NFXL1: variants seen among roughly 807,000 people sequenced by gnomAD.
NFXL1 encodes nuclear transcription factor, X-box binding like 1.
NFXL1 carries 66 observed loss-of-function variants against 123.3 expected under a neutral mutation model. The observed-to-expected ratio is 0.54, with a 90% CI of 0.44 to 0.66. The LOEUF is 0.66. NFXL1 is among the 30% of genes least tolerant of loss of function. NFXL1 has a pLI of 0.00. For synonymous variants in NFXL1, 346 were observed against 360.8 expected, an observed-to-expected ratio of 0.96 and a Z score of 0.46; for missense variants, 944 against 1,125.6, an observed-to-expected ratio of 0.84 and a Z score of 2.31.
In NFXL1 at chr4:47,862,852, AG is replaced by A; in HGVS notation, c.2309del (p.Pro770LeufsTer27). The A allele has an allele frequency of 6.5e-7, 1 of 1,548,140 alleles. No individual in the cohort carries two copies. Among genetic ancestry groups the A allele is most frequent in the Non-Finnish European group, 8.8e-7 (1 of 1,135,988 alleles). On this transcript the variant is annotated frameshift_variant, in exon 19 of 23. Transcript: ENST00000507489. LOFTEE classifies it high-confidence loss of function. The stretch of plus-strand genomic sequence containing the variant: ...AGGTTCTACTAAAGCTTACCTCTTT[AG>A]GGCACTGATTTTTGCAACAACTGAG... ...NLLSCCKNQC[P>X]KELPCGHRCK...
intron 18 of NFXL1, among the ~76,000 whole-genome samples, chr4:47,869,559 TACAA>T (rs1735304585): frequency 6.6e-6 from 1 of 151,988 alleles, no homozygotes; most frequent in Non-Finnish European, 1.5e-5. Flanking sequence ...AACTCTCAAA[TACAA>T]AGAAAGTAGT....
In NFXL1 at chr4:47,848,065, A is replaced by C; in HGVS notation, c.*98T>G. 1.4e-6 allele frequency: 1 copy of C among 723,858 alleles called. No individual in the cohort carries two copies. The highest frequency in any genetic ancestry group is 2.3e-5 in the South Asian group (1 of 44,382). The allele number at this position is 723,858 out of a possible 1,614,324, so 44.8% of individuals were successfully genotyped here. A position where few individuals can be genotyped will look rare whatever the true frequency, so the allele number is the denominator to read the frequency against. ...CTGAGAGAATACAGAGATGAATGTA[A>C]ATATATATCATGTTCTATAATATAC... is the stretch of plus-strand genomic sequence containing the variant. On this transcript the variant is annotated 3_prime_UTR_variant, in exon 23 of 23. Transcript: ENST00000507489.
At position 47,899,498 on chromosome 4, in the gene NFXL1, T is replaced by C. The variant is rs1287433199; in HGVS notation, c.698A>G (p.Tyr233Cys). The C allele has an allele frequency of 1.7e-5, 28 of 1,612,542 alleles. No individual in the cohort carries two copies. The highest frequency in any genetic ancestry group is 2.2e-5 in the East Asian group (1 of 44,878). ...ATCTTCTACTTTTCCACAATAGCAA[T>C]AGTACCTACTAGGTGTTTCAGATCG... Reference protein sequence around the residue: ...YKRSETPSRYYCYCGKVEDPP... With the variant: ...YKRSETPSRYCCYCGKVEDPP... Residue 233 changes from tyrosine (Y) to cysteine (C), a missense_variant, in exon 6 of 23, where the codon TAT becomes TGT. Transcript: ENST00000507489.
chr4:47,884,376 G>A lies in NFXL1; in HGVS notation c.1886C>T (p.Pro629Leu), dbSNP rs1359648096. 18 of 1,607,832 alleles carry A rather than the reference G, an allele frequency of 1.1e-5. No homozygotes were observed. The highest frequency in any genetic ancestry group is 1.5e-5 in the Non-Finnish European group (18 of 1,175,104). Residue 629 changes from proline to leucine, a missense_variant, in exon 15 of 23, where the codon CCG becomes CTG. Physicochemically the swap from Pro to Leu is moderately conservative, Grantham distance 98. Around this residue, in one of 4 missense-constraint regions of NFXL1, gnomAD observed 301 missense variants for 348.0 expected, o/e 0.86. Coordinates refer to ENST00000507489, the MANE Select transcript of NFXL1 (RefSeq NM_001278624.2). Reference sequence around the variant, plus strand: ...AATAGGAACTTGACATGGAGGACACGGTAATGCAGTCTGAATAAATGCTGG... The same window carrying A: ...AATAGGAACTTGACATGGAGGACACAGTAATGCAGTCTGAATAAATGCTGG... ...SEPAFIQTALPCPPCQVPIPM... is the reference protein window; with the variant it reads ...SEPAFIQTALLCPPCQVPIPM...
intron 3 of NFXL1, among the ~76,000 whole-genome samples, chr4:47,909,476 T>G (rs765452262): frequency 1.3e-5 from 2 of 152,180 alleles, no homozygotes; most frequent in Non-Finnish European, 2.9e-5. Context: ...ACCTCTCCTC[T>G]GTAGAATTGT....
chr4:47,878,215 ACTAT>A (rs1267278910), intron 17 of NFXL1, among the ~76,000 whole-genome samples: 6 of 152,208 alleles, frequency 3.9e-5, no homozygotes, highest in African/African-American at 9.6e-5. Context: ...ACTCTTACTT[ACTAT>A]CTAAGAAGAT....
chr4:47,913,047 T>C lies in NFXL1; in HGVS notation c.235+922A>G, dbSNP rs115326847. Among the ~76,000 whole-genome samples the C allele has an allele frequency of 5.4e-3, 805 of 147,940 alleles. 5 individuals carry two copies. Among genetic ancestry groups the C allele is most frequent in the African/African-American group, 0.019 (753 of 39,996 alleles). On this transcript the variant is annotated intron_variant, in intron 2 of 22. Transcript: ENST00000507489. ...AAAAAAAAAAAAAGTTTACCAAACC[T>C]GTTCACACGTCTCCATATTGTATAC...
chr4:47,896,058 C>T (rs529950642), intron 10 of NFXL1, among the ~76,000 whole-genome samples: 1 of 152,222 alleles, frequency 6.6e-6, no homozygotes, highest in Admixed American at 6.5e-5. Flanking sequence ...TCAGAACACA[C>T]GCACAACATT....
At chr4:47,861,909 A>T (rs1008628310) in intron 19 of NFXL1, among the ~76,000 whole-genome samples, 4 of 152,244 alleles carry the variant, frequency 2.6e-5, no homozygotes, top group African/African-American at 9.6e-5. Context: ...TGATTATGAT[A>T]TTTAACACTT....
At position 47,898,020 on chromosome 4, in the gene NFXL1, G is replaced by A. The variant is rs1737188305; in HGVS notation, c.1151C>T (p.Ala384Val). The A allele has an allele frequency of 1.2e-6, 2 of 1,612,424 alleles. No individual in the cohort carries two copies. The highest frequency in any genetic ancestry group is 1.7e-6 in the Non-Finnish European group (2 of 1,179,408). Residue 384 changes from alanine to valine, a missense_variant, in exon 9 of 23, where the codon GCT (alanine) becomes GTT (valine). Transcript: ENST00000507489. ...HTCEQVCHVG[A>V]CGECPRSGKR... ...CCCAGATCGAGGACATTCTCCACAAGCACCAACATGGCAAACTTGCTCACA... is the reference window on the plus strand; with the variant it reads ...CCCAGATCGAGGACATTCTCCACAAACACCAACATGGCAAACTTGCTCACA...
chr4:47,855,039 C>A lies in NFXL1; in HGVS notation c.2421+20G>T. The A allele has an allele frequency of 9.3e-7, 1 of 1,069,638 alleles. No homozygotes were observed. Among genetic ancestry groups the A allele is most frequent in the Non-Finnish European group, 1.4e-6 (1 of 734,476 alleles). The allele number at this position is 1,069,638 out of a possible 1,614,324, so 66.3% of individuals were successfully genotyped here. Reference sequence around the variant, plus strand: ...AACAACTTATATAGAAAAGTATTTTCAATAACTTAAAATATTTACCTTTTT... The same window carrying A: ...AACAACTTATATAGAAAAGTATTTTAAATAACTTAAAATATTTACCTTTTT... On this transcript the variant is annotated intron_variant, in intron 20 of 22. Transcript: ENST00000507489.
intron 20 of NFXL1, 75 bp from the exon 21 acceptor site, chr4:47,852,017 C>A: frequency 1.2e-6 from 1 of 857,204 alleles, no homozygotes; most frequent in South Asian, 1.4e-5. Flanking sequence ...AAGCAAAGTT[C>A]ATCTGATAGC....
chr4:47,857,150 C>T (rs1434088302), intron 19 of NFXL1, among the ~76,000 whole-genome samples: 1 of 152,114 alleles, frequency 6.6e-6, no homozygotes, highest in African/African-American at 2.4e-5. Flanking sequence ...AATTTTCTTA[C>T]ATACATAGAA....
chr4:47,877,191 T>C (rs1219266117), intron 17 of NFXL1: 3 of 459,346 alleles, frequency 6.5e-6, no homozygotes, highest in Middle Eastern at 3.2e-4. Flanking sequence ...AGTTTCCCTA[T>C]CTGCAAAACA....
chr4:47,892,280 A>G lies in NFXL1; in HGVS notation c.1453-1577T>C, dbSNP rs969925213. ...ACATGAAGACTTCTGGCTATAGCAC[A>G]AGGAGGAAGATCATAAGCAGAATCT... On this transcript the variant is annotated intron_variant, in intron 11 of 22. Transcript: ENST00000507489. Among the ~76,000 whole-genome samples the G allele has an allele frequency of 3.9e-5, 6 of 152,220 alleles. No homozygotes were observed. In the East Asian group the frequency reaches 1.2e-3, roughly 29 times the overall value.
At chr4:47,890,292 A>T (rs1736688487) in intron 12 of NFXL1, among the ~76,000 whole-genome samples, 1 of 152,180 alleles carries the variant, frequency 6.6e-6, no homozygotes, top group Non-Finnish European at 1.5e-5. Context: ...CATTGATTAA[A>T]AAATTATGTG....
intron 20 of NFXL1, among the ~76,000 whole-genome samples, chr4:47,852,492 C>T (rs1489526126): frequency 6.6e-6 from 1 of 152,120 alleles, no homozygotes; most frequent in Non-Finnish European, 1.5e-5. Context: ...TGGCTACCAT[C>T]TCAGATAGTG....
intron 11 of NFXL1, among the ~76,000 whole-genome samples, chr4:47,892,101 C>T (rs1348890213): frequency 6.6e-6 from 1 of 152,158 alleles, no homozygotes; most frequent in East Asian, 1.9e-4. Context: ...GGAGTAACAA[C>T]AACCAGATTT....
chr4:47,859,856 A>G (rs1403203146), intron 19 of NFXL1, among the ~76,000 whole-genome samples: 1 of 143,978 alleles, frequency 6.9e-6, no homozygotes, highest in African/African-American at 2.6e-5. Flanking sequence ...AAAAAAAAAA[A>G]AAAAAAAAAA....
Sources: allele counts gnomAD v4.1 joint callset (sites outside exome capture counted in the v4.1 genomes callset), GRCh38; gene constraint gnomAD v4.1.1; regional missense constraint gnomAD v4.1.1; transcripts MANE v1.5; gene names NCBI Gene and HGNC (gene_info 2026-07-23, HGNC 2026-07-21).